The following YTHDC2 variants were observed in gnomAD, a reference collection of about 807,000 sequenced individuals.
YTHDC2 encodes the protein 3'-5' RNA helicase YTHDC2.
In YTHDC2, 45 loss-of-function variants were observed where a neutral mutation model predicts 174.9. That is an observed-to-expected ratio of 0.26 (90% CI 0.20 to 0.33). The LOEUF (loss-of-function observed/expected upper bound fraction) is 0.33. Among genes scored for constraint, YTHDC2 ranks in the 10% least tolerant of loss-of-function variants. YTHDC2 has a pLI of 1.00. For missense variants in YTHDC2, 1,650 were observed against 1,723.7 expected, an observed-to-expected ratio of 0.96 and a Z score of 0.76; for synonymous variants, 657 against 574.5, an observed-to-expected ratio of 1.14 and a Z score of -2.05.
chr5:113,567,733 C>T lies in YTHDC2; in HGVS notation c.3128C>T (p.Ala1043Val), dbSNP rs772308276. ...DWLIYDEMTR[A>V]HRIANIRCCS... Reference sequence around the variant, plus strand: ...CTTATTTATGATGAAATGACCAGAGCCCATAGAATAGCTAATATTAGATGT... The same window carrying T: ...CTTATTTATGATGAAATGACCAGAGTCCATAGAATAGCTAATATTAGATGT... The change falls in exon 23 of 30, where the codon GCC becomes GTC. Residue 1043 changes from alanine (A) to valine (V), a missense_variant. Physicochemically the swap from Ala to Val is moderately conservative, Grantham distance 64. This residue lies in a region of YTHDC2 where 913 missense variants were observed against 940.4 expected (regional missense o/e 0.97). Transcript: ENST00000161863. 8 of 1,611,668 alleles carry T rather than the reference C, an allele frequency of 5.0e-6. No homozygotes were observed. The highest frequency in any genetic ancestry group is 1.1e-5 in the South Asian group (1 of 90,542).
At chr5:113,515,506 C>T (rs1461587998) in intron 2 of YTHDC2, 144 bp downstream of exon 2, 2 of 701,704 alleles carry the variant, frequency 2.9e-6, no homozygotes, top group African/African-American at 3.7e-5. Context: ...AGATTCAGGT[C>T]TGTACCAAAT....
chr5:113,539,900 A>AT (rs1182495080), intron 8 of YTHDC2, among the ~76,000 whole-genome samples: 4 of 151,638 alleles, frequency 2.6e-5, no homozygotes, highest in African/African-American at 9.7e-5. Context: ...AAAAAAAAAA[A>AT]TTAAAAAAAA....
intron 25 of YTHDC2, 104 bp from the exon 26 acceptor site, chr5:113,584,198 T>G (rs573221703): frequency 2.7e-5 from 24 of 896,918 alleles, no homozygotes; most frequent in Non-Finnish European, 3.9e-5. Context: ...ATTGGGACTT[T>G]GGATTGAAAT....
In YTHDC2 at chr5:113,552,871, G is replaced by A. The variant is rs147958331; in HGVS notation, c.1689-310G>A. 3.9e-3 allele frequency among the ~76,000 whole-genome samples: 590 copies of A among 152,130 alleles called. 5 individuals carry two copies. The highest frequency in any genetic ancestry group is 6.3e-3 in the Non-Finnish European group (426 of 67,954). On this transcript the variant is annotated intron_variant, in intron 12 of 29. Transcript: ENST00000161863. ...TAGTCATCCTAGTTGGTGTGAAGTG[G>A]TATTTCATTGTGGTTTTGATTTGCA...
rs367980558 is a variant in YTHDC2 at position 113,542,937 on chromosome 5, T to G, written c.1495+434T>G. ...TTTTACTCAGTTAACTTCCAGTATT[T>G]CATACTTGGCTTATTTTCTTCATAT... On this transcript the variant is annotated intron_variant, in intron 10 of 29. Coordinates refer to ENST00000161863, the MANE Select transcript of YTHDC2 (RefSeq NM_022828.5). Among the ~76,000 whole-genome samples the G allele has an allele frequency of 3.3e-5, 5 of 152,324 alleles. No homozygotes were observed. In the South Asian group the frequency reaches 1.0e-3, roughly 32 times the overall value.
chr5:113,590,452 T>C (rs866711205), intron 26 of YTHDC2, among the ~76,000 whole-genome samples: 101 of 152,198 alleles, frequency 6.6e-4, no homozygotes, highest in African/African-American at 2.4e-3. Flanking sequence ...CTACTTGTTT[T>C]CCTTTGGATC....
Position 113,549,129 on chromosome 5 carries a change from A to G in YTHDC2, c.1688+109A>G, listed in dbSNP as rs192292310. The G allele has an allele frequency of 1.9e-4, 173 of 926,108 alleles. No individual in the cohort carries two copies. The African/African-American group carries it at 2.7e-3, about 14-fold the overall frequency. 57.4% of individuals were successfully genotyped at this position (926,108 alleles called of 1,614,324 possible). On this transcript the variant is annotated intron_variant, in intron 12 of 29. Transcript: ENST00000161863. Reference sequence around the variant, plus strand: ...AGACCATTTATAGTCTTTTATCCAGAGATTTTTTTTTGTGATTCTAAGGAA... The same window carrying G: ...AGACCATTTATAGTCTTTTATCCAGGGATTTTTTTTTGTGATTCTAAGGAA...
rs566678734 is a variant in YTHDC2 at position 113,553,079 on chromosome 5, C to T, written c.1689-102C>T. The stretch of plus-strand genomic sequence containing the variant: ...ATTATAGCTAGGACATTAAGTGTCA[C>T]TTACCTTACCTTCCTTAGGGAATAT... On this transcript the variant is annotated intron_variant, in intron 12 of 29. Coordinates refer to ENST00000161863, the MANE Select transcript of YTHDC2 (RefSeq NM_022828.5). The T allele has an allele frequency of 5.8e-5, 66 of 1,147,668 alleles. No homozygotes were observed. The African/African-American group carries it at 9.5e-4, about 16-fold the overall frequency. The allele number at this position is 1,147,668 out of a possible 1,614,324, so 71.1% of individuals were successfully genotyped here. A position where few individuals can be genotyped will look rare whatever the true frequency, so the allele number is the denominator to read the frequency against.
chr5:113,537,241 A>G (rs999429364), intron 7 of YTHDC2, among the ~76,000 whole-genome samples: 1 of 152,068 alleles, frequency 6.6e-6, no homozygotes, highest in African/African-American at 2.4e-5. Context: ...GTATAAGGCT[A>G]TTTATTTGAA....
intron 23 of YTHDC2, among the ~76,000 whole-genome samples, chr5:113,568,205 A>AT (rs1200662839): frequency 2.0e-5 from 3 of 152,020 alleles, no homozygotes; most frequent in Non-Finnish European, 4.4e-5. Flanking sequence ...TTAATGTTAT[A>AT]TTTTTTCTAC....
rs1439025882 is a variant in YTHDC2, at chr5:113,539,096, A to G, written c.1125A>G (p.Val375=). The G allele has an allele frequency of 4.2e-6, 6 of 1,423,538 alleles. No homozygotes were observed. The highest frequency in any genetic ancestry group is 3.8e-6 in the Non-Finnish European group (4 of 1,059,156). The allele number at this position is 1,423,538 out of a possible 1,614,324, so 88.2% of individuals were successfully genotyped here. ...VIYIQGRPFE[V]KEMFLEDILR... The stretch of plus-strand genomic sequence containing the variant: ...TAGTACAGGGAAGACCATTTGAAGT[A>G]AAAGAAATGTTTCTGGAAGATATTT... Residue 375 remains valine, a synonymous_variant, in exon 8 of 30, where the codon GTA becomes GTG. Transcript: ENST00000161863.
intron 25 of YTHDC2, chr5:113,583,199 G>A (rs1778496426): frequency 1.3e-5 from 2 of 152,138 alleles, no homozygotes; most frequent in South Asian, 4.1e-4. Flanking sequence ...ATTGGGATTG[G>A]TAACCACTTT....
At chr5:113,532,185 A>G (rs183391170) in intron 4 of YTHDC2, among the ~76,000 whole-genome samples, 4 of 152,326 alleles carry the variant, frequency 2.6e-5, no homozygotes. Context: ...TTATGTGAAA[A>G]CTGCAAATTA....
At chr5:113,565,835 CCTCA>C in intron 20 of YTHDC2, 54 bp from the exon 21 acceptor site, 1 of 1,542,888 alleles carries the variant, frequency 6.5e-7, no homozygotes, top group Non-Finnish European at 8.7e-7. Flanking sequence ...TTACTTGTTG[CCTCA>C]CTAAGAAGCG....
intron 4 of YTHDC2, among the ~76,000 whole-genome samples, chr5:113,532,327 A>G (rs1311741473): frequency 6.6e-6 from 1 of 152,108 alleles, no homozygotes; most frequent in Non-Finnish European, 1.5e-5. Context: ...TTTGGAGAAG[A>G]TATAAGGGCA....
At chr5:113,535,909 C>T (rs1009525334) in intron 7 of YTHDC2, 111 bp downstream of exon 7, 21 of 855,938 alleles carry the variant, frequency 2.5e-5, no homozygotes, top group East Asian at 5.8e-5. Context: ...CATCTATTAC[C>T]GTTCCACCTG....
chr5:113,563,990 T>C lies in YTHDC2; in HGVS notation c.2574T>C (p.Leu858=), dbSNP rs1381075126. Residue 858 remains leucine, a synonymous_variant, in exon 20 of 30, where the codon CTT becomes CTC. Transcript: ENST00000161863. ...AVVLKCLDPI[L]TIACTLAYRD... ...TTTTAAAGTGTCTGGACCCCATCCTTACAATTGCTTGCACACTAGCTTATC... is the reference window on the plus strand; with the variant it reads ...TTTTAAAGTGTCTGGACCCCATCCTCACAATTGCTTGCACACTAGCTTATC... 8 of 1,614,036 alleles carry C rather than the reference T, an allele frequency of 5.0e-6. No homozygotes were observed. Among genetic ancestry groups the C allele is most frequent in the Non-Finnish European group, 6.8e-6 (8 of 1,180,020 alleles).
intron 2 of YTHDC2, 82 bp downstream of exon 2, chr5:113,515,444 T>C (rs1305247639): frequency 9.0e-7 from 1 of 1,107,700 alleles, no homozygotes; most frequent in Non-Finnish European, 1.3e-6. Flanking sequence ...TACATTTAAG[T>C]ACTTATTACT....
chr5:113,529,099 T>C (rs1447515668), intron 4 of YTHDC2, among the ~76,000 whole-genome samples: 1 of 152,210 alleles, frequency 6.6e-6, no homozygotes, highest in African/African-American at 2.4e-5. Flanking sequence ...TCTAAACAAC[T>C]GCATAGTATT....
Sources: gnomAD v4.1 joint callset for allele counts (sites outside exome capture counted in the v4.1 genomes callset) on GRCh38, gnomAD v4.1.1 for gene constraint, gnomAD v4.1.1 regional missense constraint, MANE v1.5 for transcripts, NCBI Gene and HGNC (gene_info 2026-07-23, HGNC 2026-07-21) for gene names.